Variants in USP6 observed in about 807,000 individuals in gnomAD.
USP6 encodes ubiquitin carboxyl-terminal hydrolase 6.
Under a neutral mutation model 175.7 loss-of-function variants are expected in USP6, and 128 were observed. The observed-to-expected ratio is 0.73, with a 90% CI of 0.63 to 0.84. The LOEUF (loss-of-function observed/expected upper bound fraction) is 0.84, where lower values mean the gene tolerates loss of function less well. Ranked by LOEUF, USP6 falls within the 40% of genes least tolerant of loss-of-function variation. The pLI is 0.00. For missense variants in USP6, 1,498 were observed against 1,760.3 expected (o/e 0.85, Z 2.67); for synonymous variants, 562 against 630.6 (o/e 0.89, Z 1.63).
rs1203999985 is a variant in USP6 at position 5,135,271 on chromosome 17, G to T, written c.532G>T (p.Glu178Ter). The change falls in exon 16 of 38, where the codon GAG becomes TAG. Residue 178 changes from glutamate to a stop codon, truncating the protein, a stop_gained. Coordinates refer to ENST00000574788, the MANE Select transcript of USP6 (RefSeq NM_001304284.2). LOFTEE classifies it high-confidence loss of function. ...ATTCTACATCCTCCTGGCCTATTCG[G>T]AGTATAACCCGGTGAGTATTCCCGG... ...ELFYILLAYS[E>*]YNPEVGYCRD... The T allele has an allele frequency of 6.2e-7, 1 of 1,612,950 alleles. No individual in the cohort carries two copies. The highest frequency in any genetic ancestry group is 8.5e-7 in the Non-Finnish European group (1 of 1,179,174).
At chr17:5,152,853 C>T (rs1444944589) in intron 30 of USP6, among the ~76,000 whole-genome samples, 32 of 152,044 alleles carry the variant, frequency 2.1e-4, no homozygotes, top group Admixed American at 1.3e-3. Context: ...AGAAATTAGC[C>T]GGTGTGGTGC....
At chr17:5,127,116 A>T (rs934025876) in intron 6 of USP6, 3 of 152,362 alleles carry the variant, frequency 2.0e-5, no homozygotes, top group Admixed American at 2.0e-4. Context: ...GCACCCAGTC[A>T]TGCAAGGCCT....
At chr17:5,154,643 C>T (rs1378377491) in intron 30 of USP6, among the ~76,000 whole-genome samples, 1 of 152,030 alleles carries the variant, frequency 6.6e-6, no homozygotes, top group Admixed American at 6.6e-5. Context: ...ATCTCCAAAA[C>T]TTTGGGAATT....
chr17:5,117,078 A>G (rs1367800403), intron 1 of USP6, among the ~76,000 whole-genome samples: 2 of 152,214 alleles, frequency 1.3e-5, no homozygotes, highest in Non-Finnish European at 2.9e-5. Flanking sequence ...GTAGTATCAT[A>G]TGCCTCTCCT....
chr17:5,147,279 C>T (rs539277516), intron 29 of USP6, 85 bp downstream of exon 29: 2 of 1,396,416 alleles, frequency 1.4e-6, no homozygotes, highest in East Asian at 2.5e-5. Context: ...TTTGTTCATG[C>T]TGAGGATGTT....
intron 30 of USP6, among the ~76,000 whole-genome samples, chr17:5,152,018 C>T (rs144083005): frequency 5.3e-5 from 8 of 152,124 alleles, no homozygotes; most frequent in South Asian, 2.1e-4. Flanking sequence ...ATGAGACGGA[C>T]GGGTCACAAG....
intron 21 of USP6, 112 bp from the exon 22 acceptor site, chr17:5,139,143 A>G (rs1484119993): frequency 6.3e-7 from 1 of 1,597,686 alleles, no homozygotes; most frequent in African/African-American, 1.3e-5. Context: ...GTCAGACCAC[A>G]GGGGCCACAC....
intron 31 of USP6, among the ~76,000 whole-genome samples, chr17:5,157,724 A>C (rs1000079134): frequency 1.3e-5 from 2 of 151,946 alleles, no homozygotes; most frequent in African/African-American, 4.8e-5. Flanking sequence ...TCTGCCTCCC[A>C]GGTTCAAGCA....
chr17:5,139,614 C>T lies in USP6; in HGVS notation c.1438C>T (p.Arg480Cys), dbSNP rs757183050. 1.4e-5 allele frequency: 23 copies of T among 1,613,122 alleles called. No homozygotes were observed. The highest frequency in any genetic ancestry group is 1.7e-4 in the Middle Eastern group (1 of 5,734). Reference protein sequence around the residue: ...HYDFEWSCWVRAISQEDQLAT... With the variant: ...HYDFEWSCWVCAISQEDQLAT... ...TGATTTTGAATGGAGCTGCTGGGTC[C>T]GTGCCATATCCCAGGAGGACCAGCT... The change falls in exon 22 of 38, where the codon CGT becomes TGT. Residue 480 changes from arginine (R) to cysteine (C), a missense_variant. Physicochemically the swap from Arg to Cys is radical, Grantham distance 180 (BLOSUM62 -3). Transcript: ENST00000574788.
intron 17 of USP6, among the ~76,000 whole-genome samples, chr17:5,136,337 A>G (rs1293460176): frequency 6.6e-6 from 1 of 152,006 alleles, no homozygotes. Context: ...GCCCGACCCC[A>G]CTTCCAGGAG....
intron 2 of USP6, among the ~76,000 whole-genome samples, chr17:5,120,410 G>T (rs2072627487): frequency 6.6e-6 from 1 of 152,160 alleles, no homozygotes; most frequent in Admixed American, 6.5e-5. Context: ...CCGAGTCACA[G>T]TGTGTGTTGT....
intron 33 of USP6, among the ~76,000 whole-genome samples, chr17:5,163,560 A>G (rs2074046328): frequency 6.6e-6 from 1 of 152,162 alleles, no homozygotes; most frequent in Non-Finnish European, 1.5e-5. Context: ...CCTCCTAACA[A>G]CGCCACATTG....
intron 33 of USP6, among the ~76,000 whole-genome samples, chr17:5,166,519 C>T (rs1442800693): frequency 6.6e-6 from 1 of 152,108 alleles, no homozygotes; most frequent in African/African-American, 2.4e-5. Flanking sequence ...GGAAGTTCAC[C>T]TCTGGAAGGG....
At chr17:5,166,441 C>G (rs998602282) in intron 33 of USP6, among the ~76,000 whole-genome samples, 1 of 152,098 alleles carries the variant, frequency 6.6e-6, no homozygotes, top group Admixed American at 6.6e-5. Flanking sequence ...ATGTCTTGAG[C>G]TGTGCCAATT....
At chr17:5,161,962 AG>A (rs1029760130) in intron 32 of USP6, among the ~76,000 whole-genome samples, 16 of 152,186 alleles carry the variant, frequency 1.1e-4, no homozygotes, top group African/African-American at 3.9e-4. Context: ...CAGTGAGCCA[AG>A]GTTGCGCCAT....
Position 5,170,632 on chromosome 17 carries a change from A to T in USP6, c.3671A>T (p.Asn1224Ile). ...AATAAGCCGTCAAGTAGTAAGAAGA[A>T]CTTGGATGCCAGCAAAGAGAATGGG... ...SKNKPSSSKK[N>I]LDASKENGAG... Residue 1224 changes from asparagine (N) to isoleucine (I), a missense_variant, in exon 36 of 38, where the codon AAC (asparagine) becomes ATC (isoleucine). Physicochemically the swap from Asn to Ile is moderately radical, Grantham distance 149. Around this residue, in one of 2 missense-constraint regions of USP6, gnomAD observed 1,217 missense variants for 1,500.8 expected, o/e 0.81. Transcript: ENST00000574788. 1 of 1,613,828 alleles carries T rather than the reference A, an allele frequency of 6.2e-7. No homozygotes were observed. Among genetic ancestry groups the T allele is most frequent in the Non-Finnish European group, 8.5e-7 (1 of 1,179,874 alleles).
In USP6 at chr17:5,172,792, C is replaced by T. The variant is rs985642001; in HGVS notation, c.4048-13C>T. ...TGATGGCTTTTTGTTAAAGGTTTTT[C>T]TTGCCCTTTCAGGAACTTCACCCTG... On this transcript the variant is annotated splice_polypyrimidine_tract_variant and intron_variant, in intron 37 of 37. Transcript: ENST00000574788. The T allele has an allele frequency of 6.2e-7, 1 of 1,612,244 alleles. No individual in the cohort carries two copies. Among genetic ancestry groups the T allele is most frequent in the Non-Finnish European group, 8.5e-7 (1 of 1,179,680 alleles).
chr17:5,143,111 G>A (rs1417515949), intron 25 of USP6, among the ~76,000 whole-genome samples: 3 of 152,104 alleles, frequency 2.0e-5, no homozygotes, highest in African/African-American at 4.8e-5. Context: ...CCGGCCAGCC[G>A]CCCCGGCCTG....
rs539413422 is a variant in USP6, at chr17:5,135,892, G to A, written c.628G>A (p.Val210Met). Reference sequence around the variant, plus strand: ...TGAGGAGGACGCATTCTGGGCACTGGTGCAGCTGCTGGCCAGTGAGAGGCA... The same window carrying A: ...TGAGGAGGACGCATTCTGGGCACTGATGCAGCTGCTGGCCAGTGAGAGGCA... ...LPEEDAFWALVQLLASERHSL... is the reference protein window; with the variant it reads ...LPEEDAFWALMQLLASERHSL... Residue 210 changes from valine (V) to methionine (M), a missense_variant, in exon 17 of 38, where the codon GTG (valine) becomes ATG (methionine). Val to Met is a conservative substitution (Grantham distance 21). This residue lies in a region of USP6 where 1,217 missense variants were observed against 1,500.8 expected (regional missense o/e 0.81). Transcript: ENST00000574788. 2.5e-6 allele frequency: 4 copies of A among 1,599,218 alleles called. No homozygotes were observed. The Admixed American group carries it at 6.7e-5, about 27-fold the overall frequency.
Sources: gnomAD v4.1 joint callset for allele counts (sites outside exome capture counted in the v4.1 genomes callset) on GRCh38, gnomAD v4.1.1 for gene constraint, gnomAD v4.1.1 regional missense constraint, MANE v1.5 for transcripts, NCBI Gene and HGNC (gene_info 2026-07-23, HGNC 2026-07-21) for gene names.